RPAP3: variants seen among roughly 807,000 people sequenced by gnomAD.
RPAP3 encodes RNA polymerase II associated protein 3.
RPAP3 carries 58 observed loss-of-function variants against 88.8 expected under a neutral mutation model. The observed-to-expected ratio is 0.65, with a 90% CI of 0.53 to 0.81. The LOEUF is 0.81. RPAP3 is among the 40% of genes least tolerant of loss of function. The pLI, the probability that RPAP3 is intolerant of heterozygous loss-of-function variation, is 0.00. For synonymous variants in RPAP3, 255 were observed against 259.9 expected (o/e 0.98, Z 0.18); for missense variants, 751 against 764.3 (o/e 0.98, Z 0.20).
At chr12:47,696,427 A>G in intron 4 of RPAP3, 24 bp from the exon 5 acceptor site, 1 of 1,518,764 alleles carries the variant, frequency 6.6e-7, no homozygotes, top group Non-Finnish European at 8.9e-7. Context: ...ATATAAAATG[A>G]TCTTTTTTAC....
At chr12:47,665,222 A>T (rs987041480) in intron 16 of RPAP3, among the ~76,000 whole-genome samples, 1 of 151,500 alleles carries the variant, frequency 6.6e-6, no homozygotes, top group Non-Finnish European at 1.5e-5. Flanking sequence ...TGAGCCTCCC[A>T]AGTAGCTGGG....
intron 7 of RPAP3, 121 bp downstream of exon 7, chr12:47,689,004 A>C: frequency 1.7e-6 from 1 of 589,832 alleles, no homozygotes; most frequent in East Asian, 3.2e-5. Context: ...ACTCTATAGT[A>C]CAAAGAATTA....
At chr12:47,675,232 G>T (rs1179861733) in intron 12 of RPAP3, among the ~76,000 whole-genome samples, 2 of 152,104 alleles carry the variant, frequency 1.3e-5, no homozygotes, top group African/African-American at 2.4e-5. Context: ...TGCCTTACAA[G>T]AGCTTCTGAA....
intron 12 of RPAP3, among the ~76,000 whole-genome samples, chr12:47,679,132 A>G (rs552758064): frequency 6.6e-6 from 1 of 152,358 alleles, no homozygotes; most frequent in African/African-American, 2.4e-5. Flanking sequence ...CATCATTCTC[A>G]GCAAACTATC....
intron 1 of RPAP3, among the ~76,000 whole-genome samples, chr12:47,704,289 G>A (rs1330896809): frequency 6.6e-6 from 1 of 152,168 alleles, no homozygotes; most frequent in African/African-American, 2.4e-5. Context: ...ATGAGTTGAA[G>A]AAAGTGAGAG....
At chr12:47,668,453 G>A (rs1444407189) in intron 14 of RPAP3, among the ~76,000 whole-genome samples, 3 of 152,230 alleles carry the variant, frequency 2.0e-5, no homozygotes, top group African/African-American at 4.8e-5. Context: ...AACGTATTTG[G>A]AAGTAATTTT....
chr12:47,704,621 G>A (rs1299857869), intron 1 of RPAP3, among the ~76,000 whole-genome samples: 4 of 151,284 alleles, frequency 2.6e-5, no homozygotes, highest in African/African-American at 9.7e-5. Flanking sequence ...CAAGTGATCC[G>A]CCCACCTCGG....
At chr12:47,701,650 T>C (rs755587180) in intron 2 of RPAP3, 46 bp from the exon 3 acceptor site, 1 of 1,397,910 alleles carries the variant, frequency 7.2e-7, no homozygotes, top group South Asian at 1.6e-5. Flanking sequence ...TTATGCTCTG[T>C]TACTCTTTGT....
chr12:47,696,492 G>A lies in RPAP3; in HGVS notation c.418-89C>T, dbSNP rs933088026. On this transcript the variant is annotated intron_variant, in intron 4 of 16. Transcript: ENST00000005386. ...TGAACGACCCAGGTTTGAAGTGCAT[G>A]GGTCCACTTAAATGTAGATTTTTTT... 3 of 806,946 alleles carry A rather than the reference G, an allele frequency of 3.7e-6. No individual in the cohort carries two copies. In the African/African-American group the frequency reaches 5.4e-5, roughly 15 times the overall value. 50.0% of individuals were successfully genotyped at this position (806,946 alleles called of 1,614,324 possible).
In RPAP3 at chr12:47,679,531, CCA is replaced by C; in HGVS notation, c.1247_1248del (p.Val416GlyfsTer5). 1 of 1,605,998 alleles carries C rather than the reference CCA, an allele frequency of 6.2e-7. No homozygotes were observed. The highest frequency in any genetic ancestry group is 8.5e-7 in the Non-Finnish European group (1 of 1,175,334). ...VFLDSTQRQN[V>X]VKPIDNPPHP... is the part of the protein sequence containing the mutation. ...TGCGGTGGATTATCAATGGGTTTTA[CCA>C]CATTTTGTCTTTGTGTGGAATCAAG... On this transcript the variant is annotated frameshift_variant, in exon 12 of 17. Transcript: ENST00000005386. LOFTEE classifies it high-confidence loss of function.
chr12:47,687,676 ATTT>A (rs1939351464), intron 8 of RPAP3, among the ~76,000 whole-genome samples, 197 bp downstream of exon 8: 1 of 152,130 alleles, frequency 6.6e-6, no homozygotes, highest in Non-Finnish European at 1.5e-5. Context: ...TTCTATAGTT[ATTT>A]TTTTAATTTA....
At chr12:47,695,695 T>C (rs1296349946) in intron 5 of RPAP3, among the ~76,000 whole-genome samples, 1 of 152,180 alleles carries the variant, frequency 6.6e-6, no homozygotes, top group Non-Finnish European at 1.5e-5. Flanking sequence ...TGTTAAATAG[T>C]AAAAATTCAG....
chr12:47,670,020 G>A lies in RPAP3; in HGVS notation c.1526+87C>T, dbSNP rs1353222390. On this transcript the variant is annotated intron_variant, in intron 13 of 16. Transcript: ENST00000005386. ...GCAGTTCAAAAAATTAGCATGATGA[G>A]TACAAATCAGAAGTCTCAGTAATAT... 8.0e-6 allele frequency: 7 copies of A among 880,014 alleles called. No homozygotes were observed. In the East Asian group the frequency reaches 1.2e-4, roughly 15 times the overall value. The allele number at this position is 880,014 out of a possible 1,614,324, so 54.5% of individuals were successfully genotyped here. A position where few individuals can be genotyped will look rare whatever the true frequency, so the allele number is the denominator to read the frequency against.
chr12:47,702,611 CA>C (rs1186984876), intron 2 of RPAP3, 76 bp downstream of exon 2: 4 of 1,231,940 alleles, frequency 3.2e-6, no homozygotes, highest in African/African-American at 1.6e-5. Flanking sequence ...AGTATTTTCA[CA>C]AAACATTTTT....
chr12:47,695,076 G>C (rs1376140662), intron 5 of RPAP3, among the ~76,000 whole-genome samples: 1 of 151,746 alleles, frequency 6.6e-6, no homozygotes, highest in Non-Finnish European at 1.5e-5. Flanking sequence ...AGGAAAGAAA[G>C]GACAGAAGGT....
chr12:47,703,064 T>G (rs907974854), intron 1 of RPAP3, among the ~76,000 whole-genome samples: 2 of 152,224 alleles, frequency 1.3e-5, no homozygotes, highest in Non-Finnish European at 1.5e-5. Flanking sequence ...GAAGCATCCT[T>G]GAAAGGCAAC....
intron 13 of RPAP3, 50 bp from the exon 14 acceptor site, chr12:47,669,152 G>T: frequency 1.5e-6 from 2 of 1,334,272 alleles, no homozygotes; most frequent in Non-Finnish European, 1.1e-6. Context: ...AATAATCATA[G>T]CTCAATCAAG....
In RPAP3 at chr12:47,663,403, C is replaced by G. The variant is rs1938798399; in HGVS notation, c.*102G>C. 2 of 704,448 alleles carry G rather than the reference C, an allele frequency of 2.8e-6. No individual in the cohort carries two copies. The highest frequency in any genetic ancestry group is 1.7e-5 in the South Asian group (1 of 58,202). 43.6% of individuals were successfully genotyped at this position (704,448 alleles called of 1,614,324 possible). A position where few individuals can be genotyped will look rare whatever the true frequency, so the allele number is the denominator to read the frequency against. ...AATTAACTTATGTTCAAAGATAGTCCTTTCCTGCTATATAATTTCATTTTC... is the reference window on the plus strand; with the variant it reads ...AATTAACTTATGTTCAAAGATAGTCGTTTCCTGCTATATAATTTCATTTTC... On this transcript the variant is annotated 3_prime_UTR_variant, in exon 17 of 17. Transcript: ENST00000005386.
intron 16 of RPAP3, among the ~76,000 whole-genome samples, chr12:47,665,831 G>A (rs1302469267): frequency 6.6e-6 from 1 of 150,884 alleles, no homozygotes; most frequent in African/African-American, 2.4e-5. Context: ...TGTAAAGACG[G>A]GGTTTTTGCC....
Sources: allele counts gnomAD v4.1 joint callset (sites outside exome capture counted in the v4.1 genomes callset), GRCh38; gene constraint gnomAD v4.1.1; transcripts MANE v1.5; gene names NCBI Gene and HGNC (gene_info 2026-07-23, HGNC 2026-07-21).